The following SERF2 variants were observed in gnomAD, a reference collection of about 807,000 sequenced individuals.
The protein encoded by SERF2 is gastric cancer-related protein VRG107.
SERF2 carries 4 observed loss-of-function variants against 10.7 expected under a neutral mutation model. The observed-to-expected ratio is 0.37, with a 90% CI of 0.18 to 0.86. The LOEUF (loss-of-function observed/expected upper bound fraction) is 0.86. Among genes scored for constraint, SERF2 ranks in the 40% least tolerant of loss-of-function variants. SERF2 has a pLI of 0.43. For missense variants in SERF2, 47 were observed against 79.1 expected (o/e 0.59, Z 1.54); for synonymous variants, 26 against 26.0 (o/e 1.00, Z 0.01).
At chr15:43,792,680 C>T (rs896357623) in intron 1 of SERF2, 4 of 1,264,880 alleles carry the variant, frequency 3.2e-6, no homozygotes, top group Non-Finnish European at 4.2e-6. Context: ...CCATCCCCCA[C>T]GGAGACCCAA....
chr15:43,787,722 AG>A (rs1483960373), upstream of SERF2, among the ~76,000 whole-genome samples: 1 of 148,432 alleles, frequency 6.7e-6, no homozygotes, highest in East Asian at 2.0e-4. Context: ...TTTTTGAGAC[AG>A]GGTCTTGCTC....
At chr15:43,788,577 C>T (rs2087026574), upstream of SERF2, among the ~76,000 whole-genome samples, 1 of 152,180 alleles carries the variant, frequency 6.6e-6, no homozygotes, top group Non-Finnish European at 1.5e-5. Flanking sequence ...CATGAGGTAA[C>T]ATTTAAACTG....
At position 43,795,377 on chromosome 15, in the gene SERF2, C is replaced by T. The variant is rs765732235; in HGVS notation, c.*1604C>T. The T allele has an allele frequency of 6.2e-7, 1 of 1,614,110 alleles. No homozygotes were observed. The highest frequency in any genetic ancestry group is 1.1e-5 in the South Asian group (1 of 91,078). On this transcript the variant is annotated 3_prime_UTR_variant, in exon 3 of 3. Transcript: ENST00000249786. ...TCTTCAGGAGAGTATCTAAGGCCCA[C>T]TCCATCTTACCTGAACCAGTTGGTA...
In SERF2 at chr15:43,795,387, C is replaced by A; in HGVS notation, c.*1614C>A. 2 of 1,614,142 alleles carry A rather than the reference C, an allele frequency of 1.2e-6. No individual in the cohort carries two copies. Among genetic ancestry groups the A allele is most frequent in the Non-Finnish European group, 1.7e-6 (2 of 1,180,014 alleles). ...AGTATCTAAGGCCCACTCCATCTTA[C>A]CTGAACCAGTTGGTAAGGGTAACCA... On this transcript the variant is annotated 3_prime_UTR_variant, in exon 3 of 3. Transcript: ENST00000249786.
upstream of SERF2, chr15:43,792,275 G>T: frequency 9.5e-7 from 1 of 1,053,300 alleles, no homozygotes. Context: ...GGGGCGGGGA[G>T]GAAAGGAACG....
At chr15:43,782,848 T>C (rs28578398) in intron 1 of SERF2, among the ~76,000 whole-genome samples, 24,535 of 151,924 alleles carry the variant, frequency 0.16, 2,615 homozygotes, top group African/African-American at 0.29. Flanking sequence ...CATAACTTTT[T>C]TTTTTCTTTT....
chr15:43,793,136 G>T, intron 2 of SERF2, 53 bp downstream of exon 2: 2 of 1,186,528 alleles, frequency 1.7e-6, no homozygotes, highest in East Asian at 2.4e-5. Context: ...GTTAGACCAA[G>T]GGTTATAGAA....
chr15:43,790,971 T>C (rs1319330620), upstream of SERF2, among the ~76,000 whole-genome samples: 2 of 148,920 alleles, frequency 1.3e-5, no homozygotes. Context: ...GGTTTTACCG[T>C]GTTAGCCAGG....
chr15:43,785,072 CT>C (rs756768224), intron 1 of SERF2, among the ~76,000 whole-genome samples: 548 of 125,542 alleles, frequency 4.4e-3, no homozygotes, highest in South Asian at 0.022. Flanking sequence ...TTATTTATTA[CT>C]TTTTTTTTTT....
intron 2 of SERF2, among the ~76,000 whole-genome samples, chr15:43,786,635 C>G (rs2087009666): frequency 6.6e-6 from 1 of 152,126 alleles, no homozygotes; most frequent in Non-Finnish European, 1.5e-5. Flanking sequence ...CTCAAGGTAG[C>G]TTAAACCAAC....
intron 2 of SERF2, among the ~76,000 whole-genome samples, chr15:43,786,147 G>A (rs571762294): frequency 3.9e-5 from 6 of 152,038 alleles, no homozygotes; most frequent in East Asian, 1.9e-4. Flanking sequence ...CAGACACAGC[G>A]GCTCACGCCT....
intron 2 of SERF2, 49 bp from the exon 3 acceptor site, chr15:43,793,661 C>T: frequency 6.2e-7 from 1 of 1,614,170 alleles, no homozygotes; most frequent in Non-Finnish European, 8.5e-7. Flanking sequence ...TGCATCTTGT[C>T]CTTTTTGCCC....
rs369620901 is a variant in SERF2 at position 43,795,568 on chromosome 15, G to A, written c.*1795G>A. The A allele has an allele frequency of 3.1e-6, 5 of 1,613,784 alleles. No individual in the cohort carries two copies. The highest frequency in any genetic ancestry group is 4.2e-6 in the Non-Finnish European group (5 of 1,179,864). On this transcript the variant is annotated 3_prime_UTR_variant, in exon 3 of 3. Coordinates refer to ENST00000249786, the MANE Select transcript of SERF2 (RefSeq NM_001018108.4). ...TGGAGAGAGGAAATGGCTGCTGGGA[G>A]CAGAGCTGCTGAAACACCTCTTCCC...
At chr15:43,792,181 G>A (rs1397410856), upstream of SERF2, 2 of 573,374 alleles carry the variant, frequency 3.5e-6, no homozygotes, top group Non-Finnish European at 6.4e-6. Context: ...GCGACCCTCC[G>A]CCACTTACCC....
At chr15:43,780,045 A>G (rs1417286578) in intron 1 of SERF2, among the ~76,000 whole-genome samples, 2 of 152,256 alleles carry the variant, frequency 1.3e-5, no homozygotes, top group Non-Finnish European at 1.5e-5. Flanking sequence ...AATCAGTTAC[A>G]TCATAAACAT....
chr15:43,792,410 C>T, intron 1 of SERF2, 27 bp downstream of exon 1: 2 of 1,613,928 alleles, frequency 1.2e-6, no homozygotes, highest in South Asian at 2.2e-5. Flanking sequence ...CTTCTCCTTG[C>T]CCTTTTCTTT....
At chr15:43,789,175 T>C (rs987719188), upstream of SERF2, among the ~76,000 whole-genome samples, 1 of 150,472 alleles carries the variant, frequency 6.6e-6, no homozygotes, top group Non-Finnish European at 1.5e-5. Flanking sequence ...AAAAGTACAC[T>C]AAATGTACCA....
intron 2 of SERF2, among the ~76,000 whole-genome samples, chr15:43,785,793 C>T (rs2087002163): frequency 6.7e-6 from 1 of 149,650 alleles, no homozygotes; most frequent in Admixed American, 6.7e-5. Flanking sequence ...GCAACCTCCG[C>T]CTCCTGGGTT....
upstream of SERF2, among the ~76,000 whole-genome samples, chr15:43,791,596 G>T (rs1180469585): frequency 6.6e-6 from 1 of 152,244 alleles, no homozygotes; most frequent in Non-Finnish European, 1.5e-5. Flanking sequence ...AAAAGCTCCA[G>T]AGGGGAAAAG....
Sources: allele counts gnomAD v4.1 joint callset (sites outside exome capture counted in the v4.1 genomes callset), GRCh38; gene constraint gnomAD v4.1.1; transcripts MANE v1.5; gene names NCBI Gene and HGNC (gene_info 2026-07-23, HGNC 2026-07-21).